Variants in DCUN1D4 observed in about 807,000 individuals in gnomAD.
The protein encoded by DCUN1D4 is DCN1-like protein 4.
In DCUN1D4, 22 loss-of-function variants were observed where a neutral mutation model predicts 47.9. That is an observed-to-expected ratio of 0.46 (90% confidence interval 0.33 to 0.66). The LOEUF is 0.66. DCUN1D4 is among the 30% of genes least tolerant of loss of function. DCUN1D4 has a pLI of 0.02. For missense variants in DCUN1D4, 301 were observed against 340.8 expected (o/e 0.88, Z 0.92); for synonymous variants, 121 against 112.2 (o/e 1.08, Z -0.50).
At chr4:51,848,343 C>T in intron 1 of DCUN1D4, 4 of 1,282,874 alleles carry the variant, frequency 3.1e-6, no homozygotes, top group Non-Finnish European at 4.1e-6. Context: ...GTCCTACCTG[C>T]ACAAGGTTAA....
intron 4 of DCUN1D4, among the ~76,000 whole-genome samples, chr4:51,876,305 A>T (rs1727658683): frequency 6.6e-6 from 1 of 152,098 alleles, no homozygotes. Context: ...TTCTCAGCAA[A>T]CTATCGCAAG....
intron 1 of DCUN1D4, among the ~76,000 whole-genome samples, chr4:51,843,913 G>T: frequency 6.7e-6 from 1 of 149,732 alleles, no homozygotes; most frequent in African/African-American, 2.5e-5. Flanking sequence ...CGAGGTGGTG[G>T]GAGGGACTGG....
intron 1 of DCUN1D4, among the ~76,000 whole-genome samples, chr4:51,855,655 A>G (rs1191145464): frequency 6.6e-6 from 1 of 152,240 alleles, no homozygotes; most frequent in East Asian, 1.9e-4. Flanking sequence ...AGGCAAGGAT[A>G]ATGGAATGGG....
chr4:51,884,661 T>C (rs1729190390), intron 5 of DCUN1D4, among the ~76,000 whole-genome samples: 1 of 152,214 alleles, frequency 6.6e-6, no homozygotes, highest in African/African-American at 2.4e-5. Context: ...GAACTCTTGC[T>C]CTTGAGTTTA....
intron 1 of DCUN1D4, chr4:51,843,574 T>C: frequency 4.0e-6 from 4 of 1,006,868 alleles, no homozygotes; most frequent in Non-Finnish European, 3.5e-6. Context: ...GAGATCGGAG[T>C]GTCCGGGGTG....
At chr4:51,871,395 C>T (rs767693832) in intron 3 of DCUN1D4, among the ~76,000 whole-genome samples, 3 of 152,188 alleles carry the variant, frequency 2.0e-5, no homozygotes, top group Admixed American at 6.5e-5. Flanking sequence ...GGAAACCAAA[C>T]GTTGTACAGT....
At chr4:51,870,257 C>G (rs1008289772) in intron 3 of DCUN1D4, among the ~76,000 whole-genome samples, 1 of 151,688 alleles carries the variant, frequency 6.6e-6, no homozygotes. Context: ...AGTTGTAAGT[C>G]GGTGAAGTCT....
intron 1 of DCUN1D4, among the ~76,000 whole-genome samples, chr4:51,849,596 T>G (rs774038011): frequency 6.6e-6 from 1 of 152,134 alleles, no homozygotes; most frequent in Non-Finnish European, 1.5e-5. Context: ...CCCAGAGGAC[T>G]GGAGGAGGAC....
chr4:51,857,113 T>C (rs1480364404), intron 1 of DCUN1D4, among the ~76,000 whole-genome samples: 1 of 152,220 alleles, frequency 6.6e-6, no homozygotes. Context: ...ACTATTCATG[T>C]GTCATGTCTC....
intron 1 of DCUN1D4, among the ~76,000 whole-genome samples, chr4:51,845,975 T>C (rs1414754521): frequency 1.3e-5 from 2 of 152,190 alleles, no homozygotes; most frequent in Non-Finnish European, 2.9e-5. Context: ...TGCACTTAAC[T>C]CTGGAATTTT....
chr4:51,851,837 G>A (rs566974172), intron 1 of DCUN1D4, among the ~76,000 whole-genome samples: 2 of 152,320 alleles, frequency 1.3e-5, no homozygotes, highest in South Asian at 4.1e-4. Flanking sequence ...ACGCTGAGGT[G>A]TAGAAAGGTT....
At chr4:51,882,675 G>A (rs570462281) in intron 5 of DCUN1D4, among the ~76,000 whole-genome samples, 1 of 152,128 alleles carries the variant, frequency 6.6e-6, no homozygotes, top group Admixed American at 6.5e-5. Flanking sequence ...GCTGAGGCAG[G>A]AGGATGTCAT....
chr4:51,843,154 G>A lies in DCUN1D4; in HGVS notation c.-89G>A. The A allele has an allele frequency of 2.0e-6, 3 of 1,520,030 alleles. No homozygotes were observed. The highest frequency in any genetic ancestry group is 2.5e-5 in the South Asian group (2 of 81,186). The allele number at this position is 1,520,030 out of a possible 1,614,324, so 94.2% of individuals were successfully genotyped here. A position where few individuals can be genotyped will look rare whatever the true frequency, so the allele number is the denominator to read the frequency against. ...GGGAGTGCCCGGCGGCGGGTCCTCA[G>A]CTTCGAGCCGAGGTGCAGTGAGCTG... On this transcript the variant is annotated 5_prime_UTR_variant, in exon 1 of 11. Coordinates refer to ENST00000334635, the MANE Select transcript of DCUN1D4 (RefSeq NM_001040402.3).
At chr4:51,845,042 G>T in intron 1 of DCUN1D4, 1 of 985,514 alleles carries the variant, frequency 1.0e-6, no homozygotes, top group Non-Finnish European at 1.2e-6. Flanking sequence ...GTCCCCAAGT[G>T]AATTTCCCCC....
intron 8 of DCUN1D4, among the ~76,000 whole-genome samples, chr4:51,910,335 A>G (rs1266901965): frequency 6.6e-6 from 1 of 152,176 alleles, no homozygotes. Context: ...GCCCTTATTT[A>G]GGTTTATGTT....
chr4:51,864,451 G>A (rs139644739), intron 3 of DCUN1D4, among the ~76,000 whole-genome samples: 21 of 152,146 alleles, frequency 1.4e-4, no homozygotes, highest in East Asian at 5.8e-4. Context: ...AGTAATAGAC[G>A]AATTGAAATT....
In DCUN1D4 at chr4:51,913,391, A is replaced by G; in HGVS notation, c.822A>G (p.Ala274=). The G allele has an allele frequency of 6.2e-7, 1 of 1,609,144 alleles. No homozygotes were observed. Among genetic ancestry groups the G allele is most frequent in the Non-Finnish European group, 8.5e-7 (1 of 1,176,128 alleles). Residue 274 remains alanine (A), a splice_region_variant and synonymous_variant, in exon 10 of 11, where the codon GCA becomes GCG. Coordinates refer to ENST00000334635, the MANE Select transcript of DCUN1D4 (RefSeq NM_001040402.3). The part of the protein sequence containing the change: ...LDLSNYDEDG[A]WPVLLDEFVE... ...TCAGCAACTATGATGAAGATGGAGCATGTAAGTACTGCCGCTACCATTCTG... is the reference window on the plus strand; with the variant it reads ...TCAGCAACTATGATGAAGATGGAGCGTGTAAGTACTGCCGCTACCATTCTG...
intron 5 of DCUN1D4, among the ~76,000 whole-genome samples, chr4:51,879,331 G>T (rs1486071622): frequency 6.6e-6 from 1 of 152,194 alleles, no homozygotes; most frequent in East Asian, 1.9e-4. Context: ...TGACGGCTGG[G>T]CGCGGTGGCT....
In DCUN1D4 at chr4:51,894,825, G is replaced by A. The variant is rs375707868; in HGVS notation, c.506+2974G>A. 2.6e-5 allele frequency among the ~76,000 whole-genome samples: 4 copies of A among 152,202 alleles called. No individual in the cohort carries two copies. In the East Asian group the frequency reaches 7.7e-4, roughly 29 times the overall value. On this transcript the variant is annotated intron_variant, in intron 7 of 10. Transcript: ENST00000334635. Reference sequence around the variant, plus strand: ...AAAATATTTTTATGTATTCATATATGTCTTAGGCCATTTAGGCAGCTATAA... The same window carrying A: ...AAAATATTTTTATGTATTCATATATATCTTAGGCCATTTAGGCAGCTATAA...
Sources: allele counts gnomAD v4.1 joint callset (sites outside exome capture counted in the v4.1 genomes callset), GRCh38; gene constraint gnomAD v4.1.1; transcripts MANE v1.5; gene names NCBI Gene and HGNC (gene_info 2026-07-23, HGNC 2026-07-21).